Variants in PTGS2 observed in about 807,000 individuals in gnomAD.
PTGS2 encodes the protein prostaglandin G/H synthase 2.
Under a neutral mutation model 63.8 loss-of-function variants are expected in PTGS2, and 14 were observed. That is an observed-to-expected ratio of 0.22 (90% CI 0.14 to 0.34). PTGS2 has a LOEUF of 0.34. Ranked by LOEUF, PTGS2 falls within the 10% of genes least tolerant of loss-of-function variation. PTGS2 has a pLI of 1.00. For missense variants in PTGS2, 533 were observed against 738.5 expected, an observed-to-expected ratio of 0.72 and a Z score of 3.23; for synonymous variants, 271 against 259.5, an observed-to-expected ratio of 1.04 and a Z score of -0.43.
intron 7 of PTGS2, 102 bp from the exon 8 acceptor site, chr1:186,676,286 G>A: frequency 1.4e-6 from 2 of 1,382,482 alleles, no homozygotes; most frequent in Non-Finnish European, 2.0e-6. Context: ...CTTCATTTCT[G>A]TTTTCTTCCT....
In PTGS2 at chr1:186,675,387, C is replaced by T; in HGVS notation, c.1267G>A (p.Gly423Ser). ...TGTACTGCGGGTGGAACATTCCTAC[C>T]ACCAGCAACCTGTGGAAAGTAAAAT... ...TRQIAGRVAGGRNVPPAVQKV... is the reference protein window; with the variant it reads ...TRQIAGRVAGSRNVPPAVQKV... The change falls in exon 9 of 10, where the codon GGT becomes AGT. Residue 423 changes from glycine (G) to serine (S), a missense_variant. Around this residue, in one of 5 missense-constraint regions of PTGS2, gnomAD observed 219 missense variants for 267.4 expected, o/e 0.82. Coordinates refer to ENST00000367468, the MANE Select transcript of PTGS2 (RefSeq NM_000963.4). 1 of 1,611,062 alleles carries T rather than the reference C, an allele frequency of 6.2e-7. No homozygotes were observed. The highest frequency in any genetic ancestry group is 8.5e-7 in the Non-Finnish European group (1 of 1,179,338).
intron 4 of PTGS2, 85 bp downstream of exon 4, chr1:186,678,176 G>A (rs1218704243): frequency 7.5e-7 from 1 of 1,333,256 alleles, no homozygotes; most frequent in Non-Finnish European, 1.0e-6. Flanking sequence ...ATAAATAAAT[G>A]GTAGTCTAAG....
chr1:186,676,398 A>G (rs1258512251), intron 7 of PTGS2, 69 bp downstream of exon 7: 2 of 1,565,398 alleles, frequency 1.3e-6, no homozygotes, highest in Non-Finnish European at 1.7e-6. Context: ...TTTACTCAAA[A>G]CATAACAAAG....
Position 186,673,194 on chromosome 1 carries a change from T to G in PTGS2, c.*1159A>C, listed in dbSNP as rs1665719478. 6.6e-6 allele frequency: 1 copy of G among 152,152 alleles called. No homozygotes were observed. Among genetic ancestry groups the G allele is most frequent in the African/African-American group, 2.4e-5 (1 of 41,444 alleles). 9.4% of individuals were successfully genotyped at this position (152,152 alleles called of 1,614,324 possible). A position where few individuals can be genotyped will look rare whatever the true frequency, so the allele number is the denominator to read the frequency against. On this transcript the variant is annotated 3_prime_UTR_variant, in exon 10 of 10. Coordinates refer to ENST00000367468, the MANE Select transcript of PTGS2 (RefSeq NM_000963.4). ...GATAAAATTAATGTGTGAAATGAATTTAAGCATTTTGAAGAGGTATTTTAT... is the reference window on the plus strand; with the variant it reads ...GATAAAATTAATGTGTGAAATGAATGTAAGCATTTTGAAGAGGTATTTTAT...
intron 7 of PTGS2, 42 bp downstream of exon 7, chr1:186,676,425 C>A (rs776670368): frequency 1.3e-6 from 2 of 1,596,202 alleles, no homozygotes; most frequent in East Asian, 4.5e-5. Context: ...CACTAATTTT[C>A]CCTGGGGAAG....
At chr1:186,675,441 T>G in intron 8 of PTGS2, 45 bp from the exon 9 acceptor site, 16 of 1,600,404 alleles carry the variant, frequency 1.0e-5, no homozygotes, top group Non-Finnish European at 1.4e-5. Context: ...TTTAGGCATA[T>G]TTACTGTTTG....
Position 186,674,193 on chromosome 1 carries a change from A to G in PTGS2, c.*160T>C, listed in dbSNP as rs1665738461. 5.1e-6 allele frequency: 2 copies of G among 391,478 alleles called. No individual in the cohort carries two copies. 24.3% of individuals were successfully genotyped at this position (391,478 alleles called of 1,614,324 possible). A position where few individuals can be genotyped will look rare whatever the true frequency, so the allele number is the denominator to read the frequency against. On this transcript the variant is annotated 3_prime_UTR_variant, in exon 10 of 10. Transcript: ENST00000367468. ...ACAGCAAAATCTTTAGAGTAGTGAC[A>G]TAAAAGTCTTCACAAGTATGACTCC... is the stretch of plus-strand genomic sequence containing the variant.
chr1:186,677,626 C>G (rs1665803705), intron 5 of PTGS2, 23 bp downstream of exon 5: 1 of 1,569,796 alleles, frequency 6.4e-7, no homozygotes. Context: ...TTTACTAACT[C>G]TAAGATATTA....
Position 186,674,781 on chromosome 1 carries a change from C to T in PTGS2, c.1406-19G>A, listed in dbSNP as rs745454335. 1 of 1,582,064 alleles carries T rather than the reference C, an allele frequency of 6.3e-7. No individual in the cohort carries two copies. Among genetic ancestry groups the T allele is most frequent in the Admixed American group, 1.9e-5 (1 of 53,650 alleles). ...TTTTCTCCTGTGAAGGCGATGAAGA[C>T]AGAGATACAACCAATGTCAAACTTC... On this transcript the variant is annotated intron_variant, in intron 9 of 9. Coordinates refer to ENST00000367468, the MANE Select transcript of PTGS2 (RefSeq NM_000963.4).
intron 8 of PTGS2, 56 bp from the exon 9 acceptor site, chr1:186,675,452 T>C: frequency 6.3e-7 from 1 of 1,582,816 alleles, no homozygotes; most frequent in Non-Finnish European, 8.6e-7. Context: ...TTACTGTTTG[T>C]ATTCAGCTTG....
chr1:186,676,609 C>T lies in PTGS2; in HGVS notation c.828G>A (p.Glu276=). Residue 276 remains glutamate (E), a synonymous_variant, in exon 7 of 10, where the codon GAG becomes GAA. Transcript: ENST00000367468. The part of the protein sequence containing the change: ...PEHLRFAVGQ[E]VFGLVPGLMM... ...TCAGACCAGGCACCAGACCAAAGAC[C>T]TCCTGCCCCACAGCAAACCGTAGAT... is the stretch of plus-strand genomic sequence containing the variant. The T allele has an allele frequency of 1.9e-6, 3 of 1,614,148 alleles. No homozygotes were observed. Among genetic ancestry groups the T allele is most frequent in the South Asian group, 2.2e-5 (2 of 91,084 alleles).
rs371064360 is a variant in PTGS2, at chr1:186,674,777, A to T, written c.1406-15T>A. ...TTCCTTTTCTCCTGTGAAGGCGATG[A>T]AGACAGAGATACAACCAATGTCAAA... On this transcript the variant is annotated splice_polypyrimidine_tract_variant and intron_variant, in intron 9 of 9. Coordinates refer to ENST00000367468, the MANE Select transcript of PTGS2 (RefSeq NM_000963.4). 1.3e-6 allele frequency: 2 copies of T among 1,586,456 alleles called. No homozygotes were observed. Among genetic ancestry groups the T allele is most frequent in the Non-Finnish European group, 1.7e-6 (2 of 1,167,950 alleles).
intron 9 of PTGS2, among the ~76,000 whole-genome samples, chr1:186,674,979 C>A (rs959611933): frequency 1.3e-5 from 2 of 152,184 alleles, no homozygotes; most frequent in African/African-American, 4.8e-5. Context: ...GAGTTTGAGA[C>A]CAGCCTGGCT....
Position 186,673,323 on chromosome 1 carries a change from A to G in PTGS2, c.*1030T>C, listed in dbSNP as rs1416596446. On this transcript the variant is annotated 3_prime_UTR_variant, in exon 10 of 10. Transcript: ENST00000367468. ...TTATTCAAGCACAGCTTGGTACTTC[A>G]TTAACCTCATAGCAAAATCTGAGTA... 6.6e-6 allele frequency: 1 copy of G among 152,208 alleles called. No individual in the cohort carries two copies. Among genetic ancestry groups the G allele is most frequent in the African/African-American group, 2.4e-5 (1 of 41,472 alleles). The allele number at this position is 152,208 out of a possible 1,614,324, so 9.4% of individuals were successfully genotyped here.
rs547688850 is a variant in PTGS2 at position 186,680,218 on chromosome 1, TGC to T, written c.52+19_52+20del. 149 of 1,549,680 alleles carry T rather than the reference TGC, an allele frequency of 9.6e-5. 2 individuals are homozygous for T. In the East Asian group the frequency reaches 3.4e-3, roughly 36 times the overall value. ...GGGTGCGTGGAACCGGAGTCCCCGGTGCGCGGCGCCAGGTACTCACCTGTATG... is the reference window on the plus strand; with the variant it reads ...GGGTGCGTGGAACCGGAGTCCCCGGTGCGGCGCCAGGTACTCACCTGTATG... On this transcript the variant is annotated intron_variant, in intron 1 of 9. Coordinates refer to ENST00000367468, the MANE Select transcript of PTGS2 (RefSeq NM_000963.4).
At position 186,675,274 on chromosome 1, in the gene PTGS2, G is replaced by C. The variant is rs756805754; in HGVS notation, c.1380C>G (p.Pro460=). 1.2e-6 allele frequency: 2 copies of C among 1,613,650 alleles called. No homozygotes were observed. Among genetic ancestry groups the C allele is most frequent in the South Asian group, 1.1e-5 (1 of 90,926 alleles). The change falls in exon 9 of 10, where the codon CCC becomes CCG. Residue 460 remains proline (P), a synonymous_variant. Transcript: ENST00000367468. ...NEYRKRFMLK[P]YESFEELTGE... is the part of the protein sequence containing the mutation. Reference sequence around the variant, plus strand: ...CTGTAAGTTCTTCAAATGATTCATAGGGCTTCAGCATAAAGCGTTTGCGGT... The same window carrying C: ...CTGTAAGTTCTTCAAATGATTCATACGGCTTCAGCATAAAGCGTTTGCGGT...
At chr1:186,678,092 A>G (rs947408111) in intron 4 of PTGS2, among the ~76,000 whole-genome samples, 169 bp downstream of exon 4, 1 of 152,228 alleles carries the variant, frequency 6.6e-6, no homozygotes, top group Non-Finnish European at 1.5e-5. Context: ...GCTTTTACAT[A>G]ATAGTTTATA....
Position 186,680,233 on chromosome 1 carries a change from A to G in PTGS2, c.52+6T>C. On this transcript the variant is annotated splice_donor_region_variant and intron_variant, in intron 1 of 9. Transcript: ENST00000367468. ...GAGTCCCCGGTGCGCGGCGCCAGGT[A>G]CTCACCTGTATGGCTGAGCGCCAGG... 6.5e-7 allele frequency: 1 copy of G among 1,549,434 alleles called. No individual in the cohort carries two copies.
At chr1:186,679,277 G>A in intron 2 of PTGS2, 45 bp downstream of exon 2, 1 of 1,612,198 alleles carries the variant, frequency 6.2e-7, no homozygotes, top group Non-Finnish European at 8.5e-7. Context: ...AATGATAACT[G>A]TATCCAGCCC....
Sources: allele counts gnomAD v4.1 joint callset (sites outside exome capture counted in the v4.1 genomes callset), GRCh38; gene constraint gnomAD v4.1.1; regional missense constraint gnomAD v4.1.1; transcripts MANE v1.5; gene names NCBI Gene and HGNC (gene_info 2026-07-23, HGNC 2026-07-21).